RERE: variants seen among roughly 807,000 people sequenced by gnomAD.
RERE encodes the protein arginine-glutamic acid dipeptide repeats, also known as arginine-glutamic acid dipeptide repeats protein.
Under a neutral mutation model 146.1 loss-of-function variants are expected in RERE, and 40 were observed. The ratio of observed to expected loss-of-function variants is 0.27; its 90% CI spans 0.21 to 0.36. The LOEUF is 0.36. RERE is among the 10% of genes least tolerant of loss of function. RERE has a pLI of 1.00. For missense variants in RERE, 1,933 were observed against 2,138.7 expected (o/e 0.90, Z 1.90); for synonymous variants, 1,003 against 866.0 (o/e 1.16, Z -2.78).
intron 1 of RERE, among the ~76,000 whole-genome samples, chr1:8,673,513 CT>C (rs1434490780): frequency 6.6e-6 from 1 of 152,220 alleles, no homozygotes; most frequent in Non-Finnish European, 1.5e-5. Flanking sequence ...TTCATACCCC[CT>C]GACAATGCCT....
chr1:8,741,254 T>C (rs1557515076), intron 1 of RERE, among the ~76,000 whole-genome samples: 1 of 152,250 alleles, frequency 6.6e-6, no homozygotes, highest in Non-Finnish European at 1.5e-5. Flanking sequence ...ACTCTCATCA[T>C]TCATACTTTT....
At chr1:8,573,314 T>G (rs1210646782) in intron 4 of RERE, among the ~76,000 whole-genome samples, 3 of 152,148 alleles carry the variant, frequency 2.0e-5, no homozygotes, top group African/African-American at 7.2e-5. Flanking sequence ...TCCCATCCAG[T>G]ACTTCATGCT....
At position 8,515,890 on chromosome 1, in the gene RERE, C is replaced by T. The variant is rs181474975; in HGVS notation, c.831-7215G>A. On this transcript the variant is annotated intron_variant, in intron 7 of 22. Transcript: ENST00000400908. ...ACATACACACACATCTATCTTTATCCTCATCTTAAGAGTTTTCACATACGT... is the reference window on the plus strand; with the variant it reads ...ACATACACACACATCTATCTTTATCTTCATCTTAAGAGTTTTCACATACGT... Among the ~76,000 whole-genome samples the T allele has an allele frequency of 6.6e-5, 10 of 152,146 alleles. No homozygotes were observed. The East Asian group carries it at 1.7e-3, about 26-fold the overall frequency.
intron 1 of RERE, among the ~76,000 whole-genome samples, chr1:8,757,293 C>T (rs1640662613): frequency 6.6e-6 from 1 of 152,076 alleles, no homozygotes; most frequent in Admixed American, 6.5e-5. Flanking sequence ...TGAACTTTCC[C>T]TAGCAAATTA....
intron 11 of RERE, among the ~76,000 whole-genome samples, chr1:8,443,395 G>A (rs962616913): frequency 4.9e-5 from 7 of 142,852 alleles, no homozygotes; most frequent in Admixed American, 2.2e-4. Flanking sequence ...CCAAGAGGCA[G>A]AGGTTGCAGT....
chr1:8,413,812 T>C (rs2124460276), intron 12 of RERE, among the ~76,000 whole-genome samples: 1 of 152,030 alleles, frequency 6.6e-6, no homozygotes, highest in Non-Finnish European at 1.5e-5. Context: ...TCCCAGCACT[T>C]TGGGAGGCCA....
intron 11 of RERE, among the ~76,000 whole-genome samples, chr1:8,434,068 T>C (rs1372126619): frequency 6.6e-6 from 1 of 152,216 alleles, no homozygotes; most frequent in Non-Finnish European, 1.5e-5. Context: ...CCTCAGTTCA[T>C]GAGTATCATG....
At chr1:8,747,844 T>G (rs1640452873) in intron 1 of RERE, among the ~76,000 whole-genome samples, 1 of 152,044 alleles carries the variant, frequency 6.6e-6, no homozygotes, top group South Asian at 2.1e-4. Flanking sequence ...CAATCTCAGC[T>G]CACTGCCGAG....
chr1:8,643,028 T>C (rs907485367), intron 2 of RERE, among the ~76,000 whole-genome samples: 1 of 152,116 alleles, frequency 6.6e-6, no homozygotes, highest in African/African-American at 2.4e-5. Flanking sequence ...GGGAAAAAGA[T>C]CCCTGTCCTG....
intron 3 of RERE, 108 bp from the exon 4 acceptor site, chr1:8,614,794 T>A (rs1033567477): frequency 7.9e-7 from 1 of 1,262,866 alleles, no homozygotes. Context: ...CTTTAGCAGA[T>A]GACCTCTGAA....
chr1:8,624,873 T>C (rs907290250), intron 2 of RERE, among the ~76,000 whole-genome samples: 3 of 152,238 alleles, frequency 2.0e-5, no homozygotes, highest in African/African-American at 7.2e-5. Flanking sequence ...GCTATTACAA[T>C]GACCTTTTCA....
intron 10 of RERE, among the ~76,000 whole-genome samples, chr1:8,468,734 A>G (rs1302666616): frequency 6.6e-6 from 1 of 152,110 alleles, no homozygotes; most frequent in Non-Finnish European, 1.5e-5. Context: ...AAATTTAAGA[A>G]ATTAGCTGGG....
chr1:8,755,973 C>T (rs1422585480), intron 1 of RERE, among the ~76,000 whole-genome samples: 1 of 151,858 alleles, frequency 6.6e-6, no homozygotes, highest in African/African-American at 2.4e-5. Flanking sequence ...AACAAAAGGG[C>T]TATTATAAAG....
intron 10 of RERE, among the ~76,000 whole-genome samples, chr1:8,484,687 T>G (rs1386687055): frequency 6.6e-6 from 1 of 152,222 alleles, no homozygotes; most frequent in East Asian, 1.9e-4. Flanking sequence ...CCTCCCAATG[T>G]GCTGGGATTA....
At chr1:8,397,791 C>T (rs1269908524) in intron 12 of RERE, among the ~76,000 whole-genome samples, 4 of 152,226 alleles carry the variant, frequency 2.6e-5, no homozygotes, top group African/African-American at 9.6e-5. Flanking sequence ...CCCCCAAGAC[C>T]TTCTGCTATT....
chr1:8,480,120 CTTTTTTTGTTTTTTT>C lies in RERE; in HGVS notation c.1105-14112_1105-14098del, dbSNP rs1358329335. On this transcript the variant is annotated intron_variant, in intron 10 of 22. Transcript: ENST00000400908. ...AATGAATATATGATTTTATTAAAGCCTTTTTTTGTTTTTTTTTTTTTTGTTTTTTTTTTTTTTGAG... is the reference window on the plus strand; with the variant it reads ...AATGAATATATGATTTTATTAAAGCCTTTTTTTGTTTTTTTTTTTTTTGAG... 9.6e-3 allele frequency among the ~76,000 whole-genome samples: 1,150 copies of C among 119,746 alleles called. 8 individuals are homozygous for C. The highest frequency in any genetic ancestry group is 0.016 in the South Asian group (62 of 3,764). 78.6% of individuals were successfully genotyped at this position (119,746 alleles called of 152,430 possible). A position where few individuals can be genotyped will look rare whatever the true frequency, so the allele number is the denominator to read the frequency against.
chr1:8,400,896 T>C (rs1250674296), intron 12 of RERE, among the ~76,000 whole-genome samples: 3 of 143,254 alleles, frequency 2.1e-5, no homozygotes, highest in Non-Finnish European at 3.0e-5. Flanking sequence ...CGTGCACCTG[T>C]AGTCCCAACT....
At chr1:8,541,417 T>C (rs1645799318) in intron 6 of RERE, 99 bp from the exon 7 acceptor site, 1 of 671,518 alleles carries the variant, frequency 1.5e-6, no homozygotes, top group Non-Finnish European at 2.6e-6. Flanking sequence ...ACTAAGTCCA[T>C]GTGCATGGAG....
chr1:8,477,922 C>T (rs1487887663), intron 10 of RERE, among the ~76,000 whole-genome samples: 1 of 152,020 alleles, frequency 6.6e-6, no homozygotes, highest in African/African-American at 2.4e-5. Context: ...GGAAAATATA[C>T]AAGCGACTGT....
Sources: gnomAD v4.1 joint callset for allele counts (sites outside exome capture counted in the v4.1 genomes callset) on GRCh38, gnomAD v4.1.1 for gene constraint, MANE v1.5 for transcripts, NCBI Gene and HGNC (gene_info 2026-07-23, HGNC 2026-07-21) for gene names.